Variants in MACROD2 observed in about 807,000 individuals in gnomAD.
MACROD2 encodes ADP-ribose glycohydrolase MACROD2.
In MACROD2, 36 loss-of-function variants were observed where a neutral mutation model predicts 70.4. The observed-to-expected ratio is 0.51, with a 90% CI of 0.39 to 0.68. The LOEUF is 0.68. Ranked by LOEUF, MACROD2 falls within the 30% of genes least tolerant of loss-of-function variation. MACROD2 has a pLI of 0.00. For synonymous variants in MACROD2, 172 were observed against 178.8 expected, an observed-to-expected ratio of 0.96 and a Z score of 0.30; for missense variants, 496 against 538.4, an observed-to-expected ratio of 0.92 and a Z score of 0.78.
At chr20:14,501,328 G>T (rs1831460324) in intron 4 of MACROD2, among the ~76,000 whole-genome samples, 1 of 152,078 alleles carries the variant, frequency 6.6e-6, no homozygotes, top group Non-Finnish European at 1.5e-5. Context: ...CATATTGAGG[G>T]TATTTAACCA....
chr20:14,716,855 T>G lies in MACROD2; in HGVS notation c.418+31896T>G, dbSNP rs550086140. The stretch of plus-strand genomic sequence containing the variant: ...TGCTGTATGCAAATGTTCCATTATT[T>G]TTGGTGGAGGAAAGGAACCTGGCAT... On this transcript the variant is annotated intron_variant, in intron 5 of 17. Transcript: ENST00000684519. Among the ~76,000 whole-genome samples, 160 of 152,284 alleles carry G rather than the reference T, an allele frequency of 1.1e-3. 2 individuals are homozygous for G. The highest frequency in any genetic ancestry group is 3.4e-3 in the Middle Eastern group (1 of 294).
intron 5 of MACROD2, among the ~76,000 whole-genome samples, chr20:15,009,931 T>C (rs75801950): frequency 6.6e-6 from 1 of 152,138 alleles, no homozygotes; most frequent in Non-Finnish European, 1.5e-5. Flanking sequence ...CTAGTTCTTG[T>C]GTTATTGGCA....
chr20:14,691,077 C>T (rs1006119063), intron 5 of MACROD2, among the ~76,000 whole-genome samples: 2 of 152,116 alleles, frequency 1.3e-5, no homozygotes, highest in African/African-American at 4.8e-5. Flanking sequence ...GCCACAACAC[C>T]CAGCTAATTT....
chr20:14,221,247 G>A (rs565229337), intron 3 of MACROD2, among the ~76,000 whole-genome samples: 34 of 152,142 alleles, frequency 2.2e-4, no homozygotes, highest in Non-Finnish European at 4.4e-4. Context: ...TGGAATGAGA[G>A]AGTCTTGAGT....
chr20:15,257,686 C>G (rs1262973811), intron 6 of MACROD2, among the ~76,000 whole-genome samples: 1 of 152,002 alleles, frequency 6.6e-6, no homozygotes, highest in South Asian at 2.1e-4. Flanking sequence ...GTCAGTCACA[C>G]ATTTATGTAC....
intron 6 of MACROD2, among the ~76,000 whole-genome samples, chr20:15,350,266 A>G (rs1445297717): frequency 1.3e-5 from 2 of 152,230 alleles, no homozygotes; most frequent in African/African-American, 4.8e-5. Context: ...TGTTGTTCAC[A>G]GGCACCCTGT....
intron 5 of MACROD2, among the ~76,000 whole-genome samples, chr20:15,090,417 G>A (rs948221130): frequency 6.6e-6 from 1 of 151,946 alleles, no homozygotes; most frequent in Non-Finnish European, 1.5e-5. Flanking sequence ...CTGAAATATT[G>A]TTTGCCCAGA....
intron 6 of MACROD2, among the ~76,000 whole-genome samples, chr20:15,234,009 A>ATATATTTTTTTT (rs1555795277): frequency 7.5e-5 from 3 of 39,996 alleles, no homozygotes; most frequent in East Asian, 9.8e-4. Context: ...ATATATATAT[A>ATATATTTTTTTT]TTCTTTTTTT....
chr20:15,815,862 T>C (rs1223052859), intron 8 of MACROD2, among the ~76,000 whole-genome samples: 1 of 152,178 alleles, frequency 6.6e-6, no homozygotes, highest in Non-Finnish European at 1.5e-5. Context: ...TTTTCCATGA[T>C]GTTGATTATT....
rs186087394 is a variant in MACROD2, at chr20:14,366,331, T to C, written c.272-127148T>C. Among the ~76,000 whole-genome samples the C allele has an allele frequency of 1.7e-3, 251 of 151,946 alleles. 3 individuals are homozygous for C. Among genetic ancestry groups the C allele is most frequent in the Non-Finnish European group, 2.5e-3 (173 of 67,960 alleles). ...TTTTTTTATCTTCTTTATATATTTC[T>C]ACTTTTATCTATATATAGTGTCCTT... On this transcript the variant is annotated intron_variant, in intron 3 of 17. Coordinates refer to ENST00000684519, the MANE Select transcript of MACROD2 (RefSeq NM_001351661.2).
intron 3 of MACROD2, among the ~76,000 whole-genome samples, chr20:14,145,357 C>T (rs2054931511): frequency 6.6e-6 from 1 of 152,122 alleles, no homozygotes; most frequent in Non-Finnish European, 1.5e-5. Flanking sequence ...TAGTTAACAT[C>T]ATGATTATAT....
At chr20:15,999,258 C>T (rs1289911445) in intron 15 of MACROD2, among the ~76,000 whole-genome samples, 5 of 151,956 alleles carry the variant, frequency 3.3e-5, no homozygotes, top group Admixed American at 6.5e-5. Flanking sequence ...TTGTTCAGGA[C>T]TGTGTTATTT....
At chr20:14,445,184 C>T (rs1034297252) in intron 3 of MACROD2, among the ~76,000 whole-genome samples, 1 of 152,070 alleles carries the variant, frequency 6.6e-6, no homozygotes, top group Non-Finnish European at 1.5e-5. Context: ...CTGGTTCATC[C>T]TGCCCCAGCC....
At chr20:14,531,099 G>A (rs1470006642) in intron 4 of MACROD2, among the ~76,000 whole-genome samples, 1 of 152,202 alleles carries the variant, frequency 6.6e-6, no homozygotes, top group East Asian at 1.9e-4. Context: ...TGGGGACAGG[G>A]AAGGTAGGAG....
At chr20:15,248,734 G>A (rs1428032744) in intron 6 of MACROD2, among the ~76,000 whole-genome samples, 1 of 152,138 alleles carries the variant, frequency 6.6e-6, no homozygotes, top group African/African-American at 2.4e-5. Flanking sequence ...ACTGACATGA[G>A]TCTTATGCAG....
chr20:14,258,625 G>T (rs2082077063), intron 3 of MACROD2, among the ~76,000 whole-genome samples: 1 of 152,054 alleles, frequency 6.6e-6, no homozygotes. Flanking sequence ...TTTGTCAGAT[G>T]CATAGCTTGC....
chr20:14,698,789 C>A (rs1195898035), intron 5 of MACROD2, among the ~76,000 whole-genome samples: 3 of 148,328 alleles, frequency 2.0e-5, no homozygotes, highest in Non-Finnish European at 4.5e-5. Context: ...TAAATAATTA[C>A]ATTTAATTAT....
chr20:14,977,418 T>G (rs1260254729), intron 5 of MACROD2, among the ~76,000 whole-genome samples: 1 of 151,026 alleles, frequency 6.6e-6, no homozygotes, highest in South Asian at 2.1e-4. Context: ...GTAGGTAATA[T>G]TTAAGTACAA....
intron 5 of MACROD2, among the ~76,000 whole-genome samples, chr20:14,823,153 G>T (rs1178912943): frequency 1.3e-5 from 2 of 151,968 alleles, no homozygotes. Flanking sequence ...AAAAAGCTGT[G>T]GACTCTTATG....
Sources: allele counts gnomAD v4.1 joint callset (sites outside exome capture counted in the v4.1 genomes callset), GRCh38; gene constraint gnomAD v4.1.1; transcripts MANE v1.5; gene names NCBI Gene and HGNC (gene_info 2026-07-23, HGNC 2026-07-21).